The following PTPRD variants were observed in gnomAD, a reference collection of about 807,000 sequenced individuals.
PTPRD encodes receptor-type tyrosine-protein phosphatase delta.
A neutral mutation model predicts 214.5 loss-of-function variants in PTPRD; 34 were observed. The observed-to-expected ratio is 0.16, with a 90% CI of 0.12 to 0.21. PTPRD has a LOEUF of 0.21. Ranked by LOEUF, PTPRD falls within the 10% of genes least tolerant of loss-of-function variation. The pLI is 1.00. For synonymous variants in PTPRD, 1,128 were observed against 845.7 expected (o/e 1.33, Z -5.79); for missense variants, 2,545 against 2,398.7 (o/e 1.06, Z -1.27).
chr9:10,472,270 G>A (rs1233195359), intron 2 of PTPRD, among the ~76,000 whole-genome samples: 1 of 152,056 alleles, frequency 6.6e-6, no homozygotes, highest in Non-Finnish European at 1.5e-5. Flanking sequence ...GACTTCCTAA[G>A]TATCTGACAC....
At position 10,130,253 on chromosome 9, in the gene PTPRD, T is replaced by C. The variant is rs114028590; in HGVS notation, c.-544-96463A>G. On this transcript the variant is annotated intron_variant, in intron 3 of 45. Transcript: ENST00000381196. ...ATTGAGATAGCTTATTCAACAACCA[T>C]ACAAATACGTGAGCTTCCTACCTCA... is the stretch of plus-strand genomic sequence containing the variant. Among the ~76,000 whole-genome samples the C allele has an allele frequency of 3.9e-3, 597 of 151,536 alleles. 5 individuals are homozygous for C. Among genetic ancestry groups the C allele is most frequent in the African/African-American group, 8.1e-3 (333 of 41,340 alleles).
At chr9:10,328,386 G>C (rs529371844) in intron 3 of PTPRD, among the ~76,000 whole-genome samples, 1 of 151,786 alleles carries the variant, frequency 6.6e-6, no homozygotes, top group South Asian at 2.1e-4. Flanking sequence ...GGTTTCTGGG[G>C]TGCTCTTGCC....
intron 11 of PTPRD, among the ~76,000 whole-genome samples, chr9:8,944,924 A>T (rs1195570935): frequency 6.6e-6 from 1 of 152,126 alleles, no homozygotes; most frequent in Non-Finnish European, 1.5e-5. Context: ...TCGTAACACA[A>T]AGAAATGATA....
At chr9:8,863,387 T>C (rs1008917867) in intron 11 of PTPRD, among the ~76,000 whole-genome samples, 1 of 152,254 alleles carries the variant, frequency 6.6e-6, no homozygotes, top group African/African-American at 2.4e-5. Context: ...GTCATTTTTT[T>C]CTTGTGAGCA....
intron 8 of PTPRD, among the ~76,000 whole-genome samples, chr9:9,555,085 G>A (rs2081196936): frequency 6.6e-6 from 1 of 151,986 alleles, no homozygotes; most frequent in South Asian, 2.1e-4. Context: ...AGGCATAAGT[G>A]CATAATGTGA....
At chr9:10,393,964 G>C (rs1053236273) in intron 2 of PTPRD, among the ~76,000 whole-genome samples, 3 of 147,306 alleles carry the variant, frequency 2.0e-5, no homozygotes, top group Non-Finnish European at 4.5e-5. Flanking sequence ...AAACTCTTAG[G>C]ATACAGCTGT....
At chr9:8,340,303 A>G in intron 42 of PTPRD, 40 bp downstream of exon 42, 11 of 1,544,578 alleles carry the variant, frequency 7.1e-6, no homozygotes, top group Non-Finnish European at 9.7e-6. Flanking sequence ...TCCACAGAGT[A>G]AATGTCTTAT....
In PTPRD at chr9:10,057,573, G is replaced by C. The variant is rs1432818916; in HGVS notation, c.-544-23783C>G. On this transcript the variant is annotated intron_variant, in intron 3 of 45. Coordinates refer to ENST00000381196, the MANE Select transcript of PTPRD (RefSeq NM_002839.4). ...TATCAGTAAGATTAAAAGGTAAGTA[G>C]TGTGGCTCACGCCTGTAATCCCAGC... Among the ~76,000 whole-genome samples the C allele has an allele frequency of 2.0e-5, 3 of 151,968 alleles. No homozygotes were observed. In the South Asian group the frequency reaches 6.2e-4, roughly 31 times the overall value.
chr9:10,231,755 G>A (rs2099610776), intron 3 of PTPRD, among the ~76,000 whole-genome samples: 1 of 151,832 alleles, frequency 6.6e-6, no homozygotes, highest in African/African-American at 2.4e-5. Context: ...GTTCTGCTGT[G>A]GTTTGGATAT....
At chr9:10,317,309 C>T (rs2096460772) in intron 3 of PTPRD, among the ~76,000 whole-genome samples, 1 of 151,858 alleles carries the variant, frequency 6.6e-6, no homozygotes, top group Non-Finnish European at 1.5e-5. Flanking sequence ...ATAAGTTTCT[C>T]CTTTTTAATG....
At chr9:9,298,754 C>A (rs1954101183) in intron 9 of PTPRD, among the ~76,000 whole-genome samples, 1 of 151,576 alleles carries the variant, frequency 6.6e-6, no homozygotes, top group Non-Finnish European at 1.5e-5. Context: ...TCTGAATTGT[C>A]CTGAATTATT....
chr9:8,685,914 C>G (rs984511204), intron 12 of PTPRD, among the ~76,000 whole-genome samples: 1 of 152,162 alleles, frequency 6.6e-6, no homozygotes, highest in Non-Finnish European at 1.5e-5. Flanking sequence ...AGACTCAAGC[C>G]AGATTGGACA....
intron 5 of PTPRD, among the ~76,000 whole-genome samples, chr9:9,884,870 T>C (rs182591180): frequency 1.6e-4 from 25 of 152,278 alleles, no homozygotes; most frequent in African/African-American, 5.1e-4. Context: ...GTAAGTTTCC[T>C]GAGGCCACCC....
intron 12 of PTPRD, among the ~76,000 whole-genome samples, chr9:8,654,845 T>C (rs191399096): frequency 4.6e-4 from 70 of 152,342 alleles, no homozygotes; most frequent in Middle Eastern, 3.4e-3. Flanking sequence ...TCAAGACCAT[T>C]AACTTGCCAG....
chr9:10,554,041 CA>C (rs1590777464), intron 2 of PTPRD, among the ~76,000 whole-genome samples: 1 of 152,000 alleles, frequency 6.6e-6, no homozygotes, highest in South Asian at 2.1e-4. Flanking sequence ...ACCTGATTTC[CA>C]TACAAGAACA....
Position 8,990,868 on chromosome 9 carries a change from G to A in PTPRD, c.-104+27829C>T, listed in dbSNP as rs537572183. 1.2e-4 allele frequency among the ~76,000 whole-genome samples: 19 copies of A among 152,048 alleles called. No individual in the cohort carries two copies. In the South Asian group the frequency reaches 3.7e-3, roughly 30 times the overall value. Reference sequence around the variant, plus strand: ...ACTGCCGTAAGATTATACTCTTTTGGTCCAAGCACATTGCTACATGGCTGC... The same window carrying A: ...ACTGCCGTAAGATTATACTCTTTTGATCCAAGCACATTGCTACATGGCTGC... On this transcript the variant is annotated intron_variant, in intron 11 of 45. Transcript: ENST00000381196.
At chr9:8,831,744 T>G (rs1156392861) in intron 11 of PTPRD, among the ~76,000 whole-genome samples, 1 of 152,208 alleles carries the variant, frequency 6.6e-6, no homozygotes, top group East Asian at 1.9e-4. Flanking sequence ...TTCTCTGCTA[T>G]TGGTTTCAAC....
At chr9:9,349,236 A>G (rs1161929044) in intron 9 of PTPRD, among the ~76,000 whole-genome samples, 1 of 152,126 alleles carries the variant, frequency 6.6e-6, no homozygotes, top group East Asian at 1.9e-4. Context: ...GCTCCTTAAC[A>G]TAGAATGGCA....
At chr9:10,412,594 C>A (rs1038766329) in intron 2 of PTPRD, among the ~76,000 whole-genome samples, 1 of 147,258 alleles carries the variant, frequency 6.8e-6, no homozygotes, top group Non-Finnish European at 1.5e-5. Context: ...GATACCAAAA[C>A]CTTGCAGATA....
Sources: gnomAD v4.1 joint callset for allele counts (sites outside exome capture counted in the v4.1 genomes callset) on GRCh38, gnomAD v4.1.1 for gene constraint, MANE v1.5 for transcripts, NCBI Gene and HGNC (gene_info 2026-07-23, HGNC 2026-07-21) for gene names.